Variants in SPECC1 observed in about 807,000 individuals in gnomAD.
The protein encoded by SPECC1 is sperm antigen with calponin homology and coiled-coil domains 1.
SPECC1 carries 62 observed loss-of-function variants against 104.1 expected under a neutral mutation model. The ratio of observed to expected loss-of-function variants is 0.60; its 90% CI spans 0.49 to 0.74. The LOEUF (loss-of-function observed/expected upper bound fraction) is 0.74. Among genes scored for constraint, SPECC1 ranks in the 30% least tolerant of loss-of-function variants. The pLI, the probability that SPECC1 is intolerant of heterozygous loss-of-function variation, is 0.00. For synonymous variants in SPECC1, 513 were observed against 501.6 expected (o/e 1.02, Z -0.30); for missense variants, 1,306 against 1,310.5 (o/e 1.00, Z 0.05).
chr17:20,139,194 C>T (rs2030424120), intron 3 of SPECC1, among the ~76,000 whole-genome samples: 1 of 152,132 alleles, frequency 6.6e-6, no homozygotes. Flanking sequence ...TTGTATCCTC[C>T]CATGTGGGAA....
intron 7 of SPECC1, among the ~76,000 whole-genome samples, chr17:20,236,693 C>T (rs183052006): frequency 3.5e-5 from 5 of 141,396 alleles, no homozygotes; most frequent in Non-Finnish European, 7.6e-5. Context: ...AAACCTTTGG[C>T]TTCCAAAAAA....
intron 3 of SPECC1, among the ~76,000 whole-genome samples, chr17:20,166,306 T>C (rs1346083518): frequency 1.3e-5 from 2 of 152,236 alleles, no homozygotes; most frequent in South Asian, 2.1e-4. Context: ...AAACCATTTT[T>C]TCAAAATTAT....
At chr17:20,218,375 C>G (rs2037643095) in intron 4 of SPECC1, among the ~76,000 whole-genome samples, 1 of 152,078 alleles carries the variant, frequency 6.6e-6, no homozygotes, top group Non-Finnish European at 1.5e-5. Flanking sequence ...GGTTTAAACC[C>G]TGGCGGTCTG....
At chr17:20,056,066 G>A (rs893783448) in intron 1 of SPECC1, among the ~76,000 whole-genome samples, 5 of 152,188 alleles carry the variant, frequency 3.3e-5, no homozygotes, top group African/African-American at 1.2e-4. Flanking sequence ...CTTAGTTTGG[G>A]ATGGAAAGAG....
intron 3 of SPECC1, among the ~76,000 whole-genome samples, chr17:20,177,146 C>T (rs868742542): frequency 1.4e-4 from 21 of 152,226 alleles, no homozygotes; most frequent in African/African-American, 4.6e-4. Context: ...GCTGAGGAAA[C>T]AACACTTGCT....
intron 3 of SPECC1, chr17:20,156,233 C>T (rs767504341): frequency 7.2e-7 from 1 of 1,393,180 alleles, no homozygotes; most frequent in Non-Finnish European, 9.3e-7. Flanking sequence ...GGATCCGGAA[C>T]CAGGTCTGTG....
At chr17:20,273,478 G>A (rs903137844) in intron 12 of SPECC1, among the ~76,000 whole-genome samples, 2 of 143,602 alleles carry the variant, frequency 1.4e-5, no homozygotes, top group Non-Finnish European at 3.0e-5. Context: ...AAAAAAAAAA[G>A]AAGAGGCCTG....
intron 7 of SPECC1, among the ~76,000 whole-genome samples, chr17:20,240,111 C>CTG (rs1238034460): frequency 8.6e-6 from 1 of 116,364 alleles, no homozygotes; most frequent in Non-Finnish European, 1.6e-5. Context: ...CGAGGTCTCA[C>CTG]TGTGTTGCAC....
chr17:20,017,713 T>G (rs1222429143), intron 1 of SPECC1: 1 of 152,274 alleles, frequency 6.6e-6, no homozygotes, highest in African/African-American at 2.4e-5. Flanking sequence ...GCACAAATAG[T>G]AGCATTATTC....
chr17:20,249,694 T>C (rs1343990341), intron 9 of SPECC1, among the ~76,000 whole-genome samples: 2 of 152,162 alleles, frequency 1.3e-5, no homozygotes, highest in African/African-American at 4.8e-5. Flanking sequence ...CAATAAAGTT[T>C]AGCTGTAGCT....
At chr17:20,012,053 C>T (rs1224876213) in intron 1 of SPECC1, among the ~76,000 whole-genome samples, 1 of 152,046 alleles carries the variant, frequency 6.6e-6, no homozygotes, top group African/African-American at 2.4e-5. Flanking sequence ...TTGGTTTCAC[C>T]ATGTGTCTTC....
Position 20,314,284 on chromosome 17 carries a change from CTT to C in SPECC1, c.*221_*222del, listed in dbSNP as rs1332971363. Reference sequence around the variant, plus strand: ...GCAGCTGGACTGTAAATTGGGGACTCTTTGATCTCTTGTGGGATGCTTCTAAA... The same window carrying C: ...GCAGCTGGACTGTAAATTGGGGACTCTGATCTCTTGTGGGATGCTTCTAAA... On this transcript the variant is annotated 3_prime_UTR_variant, in exon 15 of 15. Coordinates refer to ENST00000395527, the MANE Select transcript of SPECC1 (RefSeq NM_001243439.2). 3 of 576,892 alleles carry C rather than the reference CTT, an allele frequency of 5.2e-6. No homozygotes were observed. Among genetic ancestry groups the C allele is most frequent in the African/African-American group, 3.7e-5 (2 of 53,626 alleles). The allele number at this position is 576,892 out of a possible 1,614,324, so 35.7% of individuals were successfully genotyped here.
intron 7 of SPECC1, among the ~76,000 whole-genome samples, chr17:20,242,025 C>T (rs528908909): frequency 6.6e-6 from 1 of 152,278 alleles, no homozygotes; most frequent in East Asian, 1.9e-4. Flanking sequence ...GACCGGCAGG[C>T]GTGAGCATGT....
At chr17:20,288,929 C>T (rs1447134655) in intron 12 of SPECC1, among the ~76,000 whole-genome samples, 1 of 151,606 alleles carries the variant, frequency 6.6e-6, no homozygotes, top group Non-Finnish European at 1.5e-5. Flanking sequence ...GGATTACAGG[C>T]GCCTGCCACC....
intron 6 of SPECC1, 70 bp downstream of exon 6, chr17:20,231,901 T>C (rs916237011): frequency 6.6e-5 from 98 of 1,475,694 alleles, no homozygotes; most frequent in Non-Finnish European, 9.0e-5. Flanking sequence ...TGGATCACTC[T>C]CTCTATCCTG....
At chr17:20,032,605 C>T (rs2044862539) in intron 1 of SPECC1, among the ~76,000 whole-genome samples, 1 of 152,014 alleles carries the variant, frequency 6.6e-6, no homozygotes, top group Admixed American at 6.6e-5. Context: ...TCCGGAATTT[C>T]CATTGTATTA....
intron 12 of SPECC1, among the ~76,000 whole-genome samples, chr17:20,264,697 C>T (rs1774876910): frequency 6.6e-6 from 1 of 151,970 alleles, no homozygotes; most frequent in Non-Finnish European, 1.5e-5. Flanking sequence ...GTCTCGAACT[C>T]CTGACCTCAG....
rs190145500 is a variant in SPECC1 at position 20,038,835 on chromosome 17, G to A, written c.-22+29411G>A. Reference sequence around the variant, plus strand: ...TGTGCTGTCCAGTTTTCAAGTATTTGGAGGCTTTTCTCGTTATCCTCCAGT... The same window carrying A: ...TGTGCTGTCCAGTTTTCAAGTATTTAGAGGCTTTTCTCGTTATCCTCCAGT... On this transcript the variant is annotated intron_variant, in intron 1 of 14. Coordinates refer to ENST00000395527, the MANE Select transcript of SPECC1 (RefSeq NM_001243439.2). Among the ~76,000 whole-genome samples the A allele has an allele frequency of 2.2e-4, 33 of 152,326 alleles. 1 individual carries two copies. The East Asian group carries it at 6.4e-3, about 29-fold the overall frequency.
intron 1 of SPECC1, among the ~76,000 whole-genome samples, chr17:20,016,769 G>T (rs1414816604): frequency 6.6e-6 from 1 of 152,232 alleles, no homozygotes; most frequent in African/African-American, 2.4e-5. Flanking sequence ...CTGCTCCACG[G>T]CGCCCAGTCC....
Sources: gnomAD v4.1 joint callset for allele counts (sites outside exome capture counted in the v4.1 genomes callset) on GRCh38, gnomAD v4.1.1 for gene constraint, MANE v1.5 for transcripts, NCBI Gene and HGNC (gene_info 2026-07-23, HGNC 2026-07-21) for gene names.